EML2: variants seen among roughly 807,000 people sequenced by gnomAD.
EML2 encodes the protein echinoderm microtubule-associated protein-like 2.
Under a neutral mutation model 84.7 loss-of-function variants are expected in EML2, and 59 were observed. The ratio of observed to expected loss-of-function variants is 0.70; its 90% CI spans 0.56 to 0.86. The LOEUF (loss-of-function observed/expected upper bound fraction) is 0.86. Among genes scored for constraint, EML2 ranks in the 40% least tolerant of loss-of-function variants. The probability of loss-of-function intolerance (pLI) is 0.00; values close to 1 mark genes in which losing one functional copy is unlikely to be tolerated. For missense variants in EML2, 818 were observed against 855.6 expected (o/e 0.96, Z 0.55); for synonymous variants, 352 against 348.9 (o/e 1.01, Z -0.10).
chr19:45,613,472 A>T, intron 18 of EML2, 69 bp downstream of exon 18: 2 of 1,577,460 alleles, frequency 1.3e-6, no homozygotes, highest in Non-Finnish European at 1.7e-6. Context: ...GTTGGACCAG[A>T]GCTGCCTGAA....
At chr19:45,641,617 G>A (rs1207206658), upstream of EML2, 1 of 1,533,798 alleles carries the variant, frequency 6.5e-7, no homozygotes, top group Non-Finnish European at 8.7e-7. Context: ...TCTTTCTGCG[G>A]CTTGACGCCG....
Position 45,620,833 on chromosome 19 carries a change from G to A in EML2, c.1122+374C>T, listed in dbSNP as rs539530866. 2.2e-5 allele frequency: 8 copies of A among 367,316 alleles called. No individual in the cohort carries two copies. The East Asian group carries it at 4.9e-4, about 23-fold the overall frequency. The allele number at this position is 367,316 out of a possible 1,614,324, so 22.8% of individuals were successfully genotyped here. A position where few individuals can be genotyped will look rare whatever the true frequency, so the allele number is the denominator to read the frequency against. ...AGGGAGGAGCAGGCGTTTGAGCTTC[G>A]AGAAGAAATGCAAGCAGACTCCAGC... On this transcript the variant is annotated intron_variant, in intron 11 of 18. Coordinates refer to ENST00000245925, the MANE Select transcript of EML2 (RefSeq NM_012155.4).
Position 45,614,586 on chromosome 19 carries a change from C to A in EML2, c.1693+19G>T, listed in dbSNP as rs1970817588. 1 of 1,608,302 alleles carries A rather than the reference C, an allele frequency of 6.2e-7. No individual in the cohort carries two copies. The highest frequency in any genetic ancestry group is 8.5e-7 in the Non-Finnish European group (1 of 1,174,706). ...AGAACTACTGTCCTCAGTGAGACCT[C>A]TCTCATTCCAGAACTCACCAAACAC... is the stretch of plus-strand genomic sequence containing the variant. On this transcript the variant is annotated intron_variant, in intron 17 of 18. Transcript: ENST00000245925.
chr19:45,626,432 C>G (rs1435905471), intron 8 of EML2, among the ~76,000 whole-genome samples: 1 of 139,258 alleles, frequency 7.2e-6, no homozygotes, highest in African/African-American at 2.8e-5. Context: ...CGTTCTATCA[C>G]CCAGGCTGGA....
At chr19:45,643,006 GA>G (rs1974718174), upstream of EML2, among the ~76,000 whole-genome samples, 1 of 148,726 alleles carries the variant, frequency 6.7e-6, no homozygotes, top group Non-Finnish European at 1.5e-5. Flanking sequence ...AAAGAAAAAA[GA>G]AAAAGAAAAA....
chr19:45,629,623 CTTT>C (rs779747771), intron 7 of EML2, among the ~76,000 whole-genome samples: 1 of 139,690 alleles, frequency 7.2e-6, no homozygotes, highest in Non-Finnish European at 1.6e-5. Flanking sequence ...CGTGCCCGGC[CTTT>C]TTTTTTTTTT....
chr19:45,621,620 G>T lies in EML2; in HGVS notation c.859C>A (p.Gln287Lys). 6.2e-7 allele frequency: 1 copy of T among 1,608,420 alleles called. No individual in the cohort carries two copies. The highest frequency in any genetic ancestry group is 8.5e-7 in the Non-Finnish European group (1 of 1,179,678). The change falls in exon 10 of 19, where the codon CAG becomes AAG. Residue 287 changes from glutamine (Q) to lysine (K), a missense_variant. Gln to Lys is a moderately conservative substitution (Grantham distance 53). Transcript: ENST00000245925. ...VWGKGGNRIT[Q>K]AVLGAHDGGV... ...CCGTCGTGGGCGCCCAGCACCGCCT[G>T]TGTGATACGGTTCCCACCTGCAGGG...
intron 12 of EML2, 113 bp downstream of exon 12, chr19:45,618,947 G>GA: frequency 8.1e-7 from 1 of 1,235,486 alleles, no homozygotes; most frequent in Non-Finnish European, 1.1e-6. Context: ...ACTCCACCTC[G>GA]AAGAAAAAAA....
chr19:45,625,036 C>T (rs958697108), intron 8 of EML2, among the ~76,000 whole-genome samples: 3 of 152,118 alleles, frequency 2.0e-5, no homozygotes, highest in African/African-American at 4.8e-5. Context: ...GCTTTCCTAC[C>T]CCTGGGCCCA....
At chr19:45,644,173 G>A (rs1974853787), upstream of EML2, among the ~76,000 whole-genome samples, 1 of 152,194 alleles carries the variant, frequency 6.6e-6, no homozygotes. Flanking sequence ...GATAAATCCA[G>A]AATAGGATTA....
chr19:45,623,398 G>A (rs986802119), intron 9 of EML2: 1 of 151,988 alleles, frequency 6.6e-6, no homozygotes, highest in Non-Finnish European at 1.5e-5. Context: ...CCTGGGCCTG[G>A]TGGTGGGCAC....
upstream of EML2, chr19:45,641,632 A>G (rs982878777): frequency 6.5e-7 from 1 of 1,535,760 alleles, no homozygotes; most frequent in Non-Finnish European, 8.7e-7. Flanking sequence ...ACGCCGCCCC[A>G]GTCCTTACCC....
At chr19:45,641,253 C>T (rs568551731), upstream of EML2, 1 of 192,682 alleles carries the variant, frequency 5.2e-6, no homozygotes, top group Non-Finnish European at 1.1e-5. Flanking sequence ...GTGGCTGCAC[C>T]CTTAAATTCC....
chr19:45,635,490 G>A (rs1366091262), intron 3 of EML2, among the ~76,000 whole-genome samples: 3 of 151,550 alleles, frequency 2.0e-5, no homozygotes, highest in African/African-American at 7.3e-5. Context: ...GACTCAACAA[G>A]GTCATTGGAA....
chr19:45,616,398 T>G, intron 15 of EML2, 63 bp downstream of exon 15: 1 of 1,264,642 alleles, frequency 7.9e-7, no homozygotes, highest in Non-Finnish European at 1.1e-6. Flanking sequence ...AGGTAGAAAA[T>G]TGGTTAATTT....
chr19:45,636,088 C>T (rs991851996), intron 3 of EML2, among the ~76,000 whole-genome samples: 14 of 151,834 alleles, frequency 9.2e-5, no homozygotes, highest in Admixed American at 6.6e-5. Flanking sequence ...CTCCTGCCTC[C>T]GCTTCCCAAA....
Position 45,632,898 on chromosome 19 carries a change from A to G in EML2, c.473T>C (p.Phe158Ser), listed in dbSNP as rs768823897. 1.9e-6 allele frequency: 3 copies of G among 1,614,172 alleles called. No homozygotes were observed. The highest frequency in any genetic ancestry group is 1.7e-6 in the Non-Finnish European group (2 of 1,180,024). The part of the protein sequence containing the change: ...STLHVLGLGV[F>S]DRAVCCVGFS... ...GCCCACACAGCACACGGCTCTGTCA[A>G]ACACCCCCAAGCCCAGCACGTGTAA... Residue 158 changes from phenylalanine (F) to serine (S), a missense_variant, in exon 6 of 19, where the codon TTT becomes TCT. Physicochemically the swap from Phe to Ser is radical, Grantham distance 155 (BLOSUM62 -2). Transcript: ENST00000245925.
intron 7 of EML2, 121 bp from the exon 8 acceptor site, chr19:45,626,960 C>A: frequency 3.4e-5 from 18 of 527,618 alleles, no homozygotes; most frequent in Non-Finnish European, 5.0e-5. Flanking sequence ...CTGAACTTTT[C>A]TTTTTTTTTT....
chr19:45,645,372 TCCCAGCCCGGG>T (rs1568503875), upstream of EML2: 1 of 1,522,858 alleles, frequency 6.6e-7, no homozygotes, highest in East Asian at 2.5e-5. Context: ...GCCCCCCCGG[TCCCAGCCCGGG>T]CCCGGTCCCC....
Sources: allele counts gnomAD v4.1 joint callset (sites outside exome capture counted in the v4.1 genomes callset), GRCh38; gene constraint gnomAD v4.1.1; transcripts MANE v1.5; gene names NCBI Gene and HGNC (gene_info 2026-07-23, HGNC 2026-07-21).